Variants in RNF212 observed in about 807,000 individuals in gnomAD.
RNF212 encodes probable E3 SUMO-protein ligase RNF212.
In RNF212, 33 loss-of-function variants were observed where a neutral mutation model predicts 34.7. The observed-to-expected ratio is 0.95, with a 90% confidence interval of 0.72 to 1.27. RNF212 has a LOEUF of 1.27. Among genes scored for constraint, RNF212 ranks in the 50% most tolerant of loss-of-function variants. The pLI, the probability that RNF212 is intolerant of heterozygous loss-of-function variation, is 0.00. For synonymous variants in RNF212, 140 were observed against 136.1 expected, an observed-to-expected ratio of 1.03 and a Z score of -0.20; for missense variants, 377 against 362.2, an observed-to-expected ratio of 1.04 and a Z score of -0.33.
intron 3 of RNF212, among the ~76,000 whole-genome samples, chr4:1,065,240 A>G (rs1385087015): frequency 6.6e-6 from 1 of 152,238 alleles, no homozygotes; most frequent in Non-Finnish European, 1.5e-5. Context: ...ACCATTTCAC[A>G]TTCTCACCAA....
chr4:1,108,571 T>C (rs1449875422), intron 1 of RNF212, among the ~76,000 whole-genome samples, 167 bp from the exon 2 acceptor site: 1 of 152,214 alleles, frequency 6.6e-6, no homozygotes, highest in Non-Finnish European at 1.5e-5. Context: ...GTTGGAAGGA[T>C]TTATAGAACT....
intron 5 of RNF212, among the ~76,000 whole-genome samples, chr4:1,083,083 A>C (rs1219466692): frequency 1.3e-5 from 2 of 152,222 alleles, no homozygotes; most frequent in Non-Finnish European, 2.9e-5. Flanking sequence ...CTCTGGAGGA[A>C]AATGCAGGCG....
At chr4:1,057,376 C>T (rs527465998) in intron 4 of RNF212, among the ~76,000 whole-genome samples, 6 of 152,220 alleles carry the variant, frequency 3.9e-5, no homozygotes, top group African/African-American at 7.2e-5. Context: ...TTTGAACACA[C>T]GAGTTCGGTT....
At chr4:1,099,646 ATTTAATT>A in intron 2 of RNF212, 1 of 432,132 alleles carries the variant, frequency 2.3e-6, no homozygotes, top group Non-Finnish European at 4.7e-6. Context: ...TTCTTTTCGT[ATTTAATT>A]TTTAAAAGGG....
rs1256628621 is a variant in RNF212, at chr4:1,072,542, T to C, written c.*332A>G. 2 of 442,068 alleles carry C rather than the reference T, an allele frequency of 4.5e-6. No individual in the cohort carries two copies. Among genetic ancestry groups the C allele is most frequent in the Non-Finnish European group, 6.4e-6 (2 of 312,184 alleles). The allele number at this position is 442,068 out of a possible 1,614,324, so 27.4% of individuals were successfully genotyped here. ...GGAAATCTGTACCTTCCTTTCAATTTTTCTGTGAACCTAAAACTGCTCTAA... is the reference window on the plus strand; with the variant it reads ...GGAAATCTGTACCTTCCTTTCAATTCTTCTGTGAACCTAAAACTGCTCTAA... On this transcript the variant is annotated 3_prime_UTR_variant, in exon 10 of 10. Coordinates refer to ENST00000433731, the MANE Select transcript of RNF212 (RefSeq NM_001131034.4).
In RNF212 at chr4:1,085,143, G is replaced by C. The variant is rs554190520; in HGVS notation, c.362+753C>G. The stretch of plus-strand genomic sequence containing the variant: ...TGTTAGTAGCAGCCAGCAAACGGGG[G>C]CTTGTGACTATTCAACGCGTCTCGT... On this transcript the variant is annotated intron_variant, in intron 5 of 9. Coordinates refer to ENST00000433731, the MANE Select transcript of RNF212 (RefSeq NM_001131034.4). 2.6e-5 allele frequency among the ~76,000 whole-genome samples: 4 copies of C among 152,378 alleles called. No individual in the cohort carries two copies. In the East Asian group the frequency reaches 7.7e-4, roughly 29 times the overall value.
At position 1,113,398 on chromosome 4, in the gene RNF212, T is replaced by G. The variant is rs763944790; in HGVS notation, c.67A>C (p.Thr23Pro). 2 of 1,600,060 alleles carry G rather than the reference T, an allele frequency of 1.2e-6. No individual in the cohort carries two copies. The highest frequency in any genetic ancestry group is 1.7e-6 in the Non-Finnish European group (2 of 1,174,964). ...TCGCAGTACACGTGCCCGCAGTTGG[T>G]GAGGCTGAAGCACGACGTCCTGTGG... ...PPHRTSCFSL[T>P]NCGHVYCDAC... Residue 23 changes from threonine (T) to proline (P), a missense_variant, in exon 1 of 10, where the codon ACC (threonine) becomes CCC (proline). Physicochemically the swap from Thr to Pro is conservative, Grantham distance 38. Coordinates refer to ENST00000433731, the MANE Select transcript of RNF212 (RefSeq NM_001131034.4).
intron 4 of RNF212, among the ~76,000 whole-genome samples, chr4:1,057,786 T>C (rs13119276): frequency 0.81 from 123,555 of 152,254 alleles, 50,844 homozygotes; most frequent in African/African-American, 0.94. Context: ...AACTCCTGGC[T>C]GGGCATGGTG....
intron 2 of RNF212, among the ~76,000 whole-genome samples, chr4:1,100,553 G>A (rs1300257530): frequency 2.0e-5 from 3 of 151,988 alleles, no homozygotes; most frequent in South Asian, 2.1e-4. Context: ...GATTACAGGC[G>A]TGTGCTACTG....
upstream of RNF212, chr4:1,113,649 C>G (rs902092209): frequency 3.1e-4 from 151 of 488,688 alleles, 1 homozygote; most frequent in South Asian, 3.9e-3. Context: ...CCCGCAGCAC[C>G]TGGGAGGGCG....
At chr4:1,087,389 G>A (rs1721481636) in intron 4 of RNF212, among the ~76,000 whole-genome samples, 1 of 92,660 alleles carries the variant, frequency 1.1e-5, no homozygotes, top group Non-Finnish European at 2.2e-5. Flanking sequence ...AGAGGATGGG[G>A]TGGGGGTGAC....
intron 4 of RNF212, among the ~76,000 whole-genome samples, 191 bp from the exon 5 acceptor site, chr4:1,086,145 A>G (rs2153046555): frequency 6.6e-6 from 1 of 152,332 alleles, no homozygotes; most frequent in East Asian, 1.9e-4. Context: ...GGGGCCATGC[A>G]GAGCGAAGTC....
chr4:1,058,973 C>T (rs921739836), intron 3 of RNF212, among the ~76,000 whole-genome samples: 1 of 152,232 alleles, frequency 6.6e-6, no homozygotes, highest in Non-Finnish European at 1.5e-5. Context: ...GTGCCCCACC[C>T]GTGTTTGCTT....
chr4:1,113,405 G>A lies in RNF212; in HGVS notation c.60C>T (p.Phe20=). The change falls in exon 1 of 10, where the codon TTC becomes TTT. Residue 20 remains phenylalanine, a synonymous_variant. Coordinates refer to ENST00000433731, the MANE Select transcript of RNF212 (RefSeq NM_001131034.4). ...ACACGTGCCCGCAGTTGGTGAGGCT[G>A]AAGCACGACGTCCTGTGGGGCGGCT... The part of the protein sequence containing the change: ...CFQPPHRTSC[F]SLTNCGHVYC... 6.2e-7 allele frequency: 1 copy of A among 1,605,776 alleles called. No homozygotes were observed. Among genetic ancestry groups the A allele is most frequent in the East Asian group, 2.3e-5 (1 of 44,054 alleles).
chr4:1,096,028 G>A (rs71604352), intron 3 of RNF212, among the ~76,000 whole-genome samples: 7 of 46,332 alleles, frequency 1.5e-4, no homozygotes, highest in Admixed American at 4.2e-4. Flanking sequence ...GGCTCATCAC[G>A]GAACCAAGCA....
intron 8 of RNF212, among the ~76,000 whole-genome samples, chr4:1,077,204 T>A (rs1407256199): frequency 6.6e-6 from 1 of 152,146 alleles, no homozygotes; most frequent in African/African-American, 2.4e-5. Context: ...CTCCAGCCTA[T>A]AGGCAATAGA....
chr4:1,100,035 C>G (rs1299956127), intron 2 of RNF212: 3 of 382,670 alleles, frequency 7.8e-6, no homozygotes. Flanking sequence ...TGTCTTGAAA[C>G]ACACAGATTG....
intron 2 of RNF212, among the ~76,000 whole-genome samples, chr4:1,102,890 C>T (rs1724233331): frequency 8.1e-6 from 1 of 122,778 alleles, no homozygotes; most frequent in Non-Finnish European, 1.7e-5. Flanking sequence ...ACCTGTAATC[C>T]CAGCACTTTG....
chr4:1,085,234 T>C (rs1720984427), intron 5 of RNF212, among the ~76,000 whole-genome samples: 1 of 152,280 alleles, frequency 6.6e-6, no homozygotes, highest in African/African-American at 2.4e-5. Context: ...AACTGAACTC[T>C]GGCCTGTTAT....
Sources: allele counts gnomAD v4.1 joint callset (sites outside exome capture counted in the v4.1 genomes callset), GRCh38; gene constraint gnomAD v4.1.1; transcripts MANE v1.5; gene names NCBI Gene and HGNC (gene_info 2026-07-23, HGNC 2026-07-21).